Variants in ABCC8 observed in about 807,000 individuals in gnomAD.
The protein encoded by ABCC8 is ATP-binding cassette sub-family C member 8.
Under a neutral mutation model 188.0 loss-of-function variants are expected in ABCC8, and 137 were observed. The ratio of observed to expected loss-of-function variants is 0.73; its 90% CI spans 0.63 to 0.84. The LOEUF is 0.84. Among genes scored for constraint, ABCC8 ranks in the 40% least tolerant of loss-of-function variants. The pLI, the probability that ABCC8 is intolerant of heterozygous loss-of-function variation, is 0.00. For synonymous variants in ABCC8, 797 were observed against 846.5 expected, an observed-to-expected ratio of 0.94 and a Z score of 1.01; for missense variants, 1,750 against 2,072.7, an observed-to-expected ratio of 0.84 and a Z score of 3.02.
At chr11:17,445,827 G>T (rs931034406) in intron 8 of ABCC8, among the ~76,000 whole-genome samples, 2 of 152,098 alleles carry the variant, frequency 1.3e-5, no homozygotes, top group African/African-American at 4.8e-5. Flanking sequence ...TACAAGGGAG[G>T]GGGGCTGGGA....
chr11:17,475,105 C>T, intron 1 of ABCC8, 78 bp from the exon 2 acceptor site: 3 of 1,588,606 alleles, frequency 1.9e-6, no homozygotes, highest in South Asian at 2.3e-5. Flanking sequence ...CAGAAAGGTG[C>T]TTGGGCATTG....
chr11:17,397,483 A>G (rs534236077), intron 31 of ABCC8, 170 bp from the exon 32 acceptor site: 2 of 1,452,778 alleles, frequency 1.4e-6, no homozygotes, highest in South Asian at 2.5e-5. Flanking sequence ...AGGGTCAGTC[A>G]TGTGGCTCCC....
intron 29 of ABCC8, among the ~76,000 whole-genome samples, chr11:17,401,946 G>A (rs942950116): frequency 3.3e-5 from 5 of 152,098 alleles, no homozygotes; most frequent in African/African-American, 4.8e-5. Context: ...AAACCTTCCC[G>A]GACTGTCTCT....
In ABCC8 at chr11:17,404,368, T is replaced by G; in HGVS notation, c.3557+144A>C. On this transcript the variant is annotated intron_variant, in intron 28 of 38. Coordinates refer to ENST00000389817, the MANE Select transcript of ABCC8 (RefSeq NM_000352.6). This position sits in a 1 kb window ranked among gnomAD's most constrained non-coding sequence, Gnocchi z 4.7. ...TTAGGGCGGTGGAATAAGATGTGGA[T>G]ATTTCTATTTCCTTCATTTCTGTTT... is the stretch of plus-strand genomic sequence containing the variant. 46 of 844,126 alleles carry G rather than the reference T, an allele frequency of 5.4e-5. No homozygotes were observed. The highest frequency in any genetic ancestry group is 2.4e-4 in the Middle Eastern group (1 of 4,152). The allele number at this position is 844,126 out of a possible 1,614,324, so 52.3% of individuals were successfully genotyped here.
chr11:17,421,871 T>C (rs1014683790), intron 16 of ABCC8, among the ~76,000 whole-genome samples: 3 of 152,196 alleles, frequency 2.0e-5, no homozygotes, highest in Admixed American at 6.5e-5. Context: ...TTCTCCATTC[T>C]ACACCTCCTA....
chr11:17,400,165 G>A (rs1436728595), intron 29 of ABCC8, among the ~76,000 whole-genome samples: 1 of 152,184 alleles, frequency 6.6e-6, no homozygotes, highest in Non-Finnish European at 1.5e-5. Flanking sequence ...CGTGGAGAGA[G>A]GGCATGTGTC....
At position 17,470,246 on chromosome 11, in the gene ABCC8, C is replaced by T. The variant is rs571679471; in HGVS notation, c.291-24G>A. 114 of 1,613,878 alleles carry T rather than the reference C, an allele frequency of 7.1e-5. No homozygotes were observed. The South Asian group carries it at 1.2e-3, about 17-fold the overall frequency. On this transcript the variant is annotated intron_variant, in intron 2 of 38. Coordinates refer to ENST00000389817, the MANE Select transcript of ABCC8 (RefSeq NM_000352.6). ...CCCTGAGATGGGAGAGAGAAACAGA[C>T]AGGATGGGGACATGCTAAGTACTGC...
In ABCC8 at chr11:17,441,389, A is replaced by G. The variant is rs373121970; in HGVS notation, c.1630+1331T>C. ...TCCCATCTGTAAAATGGTTCTACCA[A>G]CTTACTCTCCTTGCCACGTTCTGTG... On this transcript the variant is annotated intron_variant, in intron 10 of 38. Transcript: ENST00000389817. Among the ~76,000 whole-genome samples, 33 of 152,300 alleles carry G rather than the reference A, an allele frequency of 2.2e-4. 1 individual carries two copies. The highest frequency in any genetic ancestry group is 7.7e-4 in the African/African-American group (32 of 41,574).
intron 6 of ABCC8, among the ~76,000 whole-genome samples, chr11:17,456,510 T>C (rs1957002419): frequency 6.6e-6 from 1 of 152,144 alleles, no homozygotes; most frequent in Non-Finnish European, 1.5e-5. Context: ...CTTGGACTCT[T>C]GTTTCCTATT....
chr11:17,434,018 G>A (rs1165332982), intron 10 of ABCC8, among the ~76,000 whole-genome samples: 1 of 152,202 alleles, frequency 6.6e-6, no homozygotes, highest in African/African-American at 2.4e-5. Context: ...ACATAGTGCA[G>A]CCATTACTGG....
intron 29 of ABCC8, among the ~76,000 whole-genome samples, chr11:17,400,772 C>A (rs897412115): frequency 4.2e-4 from 64 of 152,334 alleles, no homozygotes; most frequent in African/African-American, 1.5e-3. Context: ...GGTCTCGCTT[C>A]TGCATCTGGA....
chr11:17,416,823 C>T (rs950240781), intron 17 of ABCC8, 107 bp downstream of exon 17: 4 of 1,497,510 alleles, frequency 2.7e-6, no homozygotes, highest in Admixed American at 1.7e-5. Flanking sequence ...ATGTAGGCTG[C>T]ACATCCCTGA....
In ABCC8 at chr11:17,410,501, C is replaced by CT; in HGVS notation, c.2694+14dup. 6.2e-7 allele frequency: 1 copy of CT among 1,614,114 alleles called. No homozygotes were observed. ...GCCCTGCCCCCTATAGCCTGACCCC[C>CT]TTGTTCCCCCTCACCCAGTCTGCAT... On this transcript the variant is annotated intron_variant, in intron 22 of 38. Transcript: ENST00000389817.
intron 6 of ABCC8, among the ~76,000 whole-genome samples, chr11:17,454,536 G>A (rs1956923833): frequency 6.6e-6 from 1 of 152,288 alleles, no homozygotes; most frequent in East Asian, 1.9e-4. Flanking sequence ...GGAGGAGGTC[G>A]AAGGTAGAAG....
intron 38 of ABCC8, chr11:17,393,362 T>TCAAGGCTC: frequency 2.9e-6 from 2 of 678,770 alleles, no homozygotes; most frequent in South Asian, 3.8e-5. Flanking sequence ...CCTCCAGGCT[T>TCAAGGCTC]CAAGGCTCAG....
At chr11:17,456,227 C>T (rs933643449) in intron 6 of ABCC8, among the ~76,000 whole-genome samples, 1 of 152,192 alleles carries the variant, frequency 6.6e-6, no homozygotes, top group Non-Finnish European at 1.5e-5. Flanking sequence ...CCAGGGATTT[C>T]CCCAGTAGTG....
chr11:17,435,846 C>T (rs1229282079), intron 10 of ABCC8: 1 of 1,237,616 alleles, frequency 8.1e-7, no homozygotes, highest in African/African-American at 1.5e-5. Context: ...CTGTGTGGAT[C>T]AGTGCTGGCC....
chr11:17,406,701 T>C lies in ABCC8; in HGVS notation c.3250A>G (p.Thr1084Ala), dbSNP rs138204865. Residue 1084 changes from threonine (T) to alanine (A), a missense_variant, in exon 26 of 39, where the codon ACT (threonine) becomes GCT (alanine). By Grantham distance (58) the Thr-to-Ala change is moderately conservative. Transcript: ENST00000389817. ...ACCTTCAGCCCTGTCCACTCCACAGTGACAGACGTGACGAGGCACAGCACA... is the reference window on the plus strand; with the variant it reads ...ACCTTCAGCCCTGTCCACTCCACAGCGACAGACGTGACGAGGCACAGCACA... The part of the protein sequence containing the change: ...GIVLCLVTSV[T>A]VEWTGLKVAK... The C allele has an allele frequency of 6.2e-7, 1 of 1,614,060 alleles. No homozygotes were observed. The highest frequency in any genetic ancestry group is 1.3e-5 in the African/African-American group (1 of 74,914).
intron 3 of ABCC8, among the ~76,000 whole-genome samples, chr11:17,467,051 C>G (rs909825373): frequency 6.9e-6 from 1 of 144,494 alleles, no homozygotes; most frequent in African/African-American, 2.8e-5. Context: ...ACCACACACA[C>G]ACACACACAC....
Sources: allele counts gnomAD v4.1 joint callset (sites outside exome capture counted in the v4.1 genomes callset), GRCh38; gene constraint gnomAD v4.1.1; non-coding constraint Gnocchi (gnomAD v3.1); transcripts MANE v1.5; gene names NCBI Gene and HGNC (gene_info 2026-07-23, HGNC 2026-07-21).